The following RAB12 variants were observed in gnomAD, a reference collection of about 807,000 sequenced individuals.
RAB12 encodes ras-related protein Rab-12.
In RAB12, 11 loss-of-function variants were observed where a neutral mutation model predicts 28.4. The ratio of observed to expected loss-of-function variants is 0.39; its 90% confidence interval spans 0.24 to 0.64. RAB12 has a LOEUF of 0.64. Among genes scored for constraint, RAB12 ranks in the 30% least tolerant of loss-of-function variants. The pLI, the probability that RAB12 is intolerant of heterozygous loss-of-function variation, is 0.50. For missense variants in RAB12, 276 were observed against 351.1 expected (o/e 0.79, Z 1.71); for synonymous variants, 138 against 145.3 (o/e 0.95, Z 0.36).
chr18:8,617,584 A>G (rs1250161), intron 1 of RAB12, among the ~76,000 whole-genome samples: 29,963 of 152,044 alleles, frequency 0.2, 6,163 homozygotes, highest in African/African-American at 0.53. Context: ...TGGTGCAGGG[A>G]TGGAGTCTGT....
chr18:8,638,241 A>G lies in RAB12; in HGVS notation c.1002A>G (p.Arg334=). The change falls in exon 6 of 6, where the codon AGA becomes AGG. Residue 334 remains arginine (R), a synonymous_variant. Transcript: ENST00000649141. Reference sequence around the variant, plus strand: ...TACCGCCAGAACTGCCTCCACCAAGACCACATGTCCGATGCTGTTGATTTC... The same window carrying G: ...TACCGCCAGAACTGCCTCCACCAAGGCCACATGTCCGATGCTGTTGATTTC... The part of the protein sequence containing the change: ...PEIPPELPPP[R]PHVRCC 1.9e-6 allele frequency: 3 copies of G among 1,613,326 alleles called. No homozygotes were observed. Among genetic ancestry groups the G allele is most frequent in the Non-Finnish European group, 2.5e-6 (3 of 1,179,306 alleles).
chr18:8,639,144 GTTCTTTTT>G lies in RAB12; in HGVS notation c.*885_*892del, dbSNP rs2096020778. The G allele has an allele frequency of 1.2e-4, 2 of 16,576 alleles. No individual in the cohort carries two copies. The highest frequency in any genetic ancestry group is 1.8e-4 in the African/African-American group (1 of 5,460). 1.0% of individuals were successfully genotyped at this position (16,576 alleles called of 1,614,324 possible). On this transcript the variant is annotated 3_prime_UTR_variant, in exon 6 of 6. Coordinates refer to ENST00000649141, the MANE Select transcript of RAB12 (RefSeq NM_001025300.3). ...CTTATTCTGATTAAGCCTAGACTGT[GTTCTTTTT>G]TTTTTTTTTTTTTTTTTTTTTTTTT...
chr18:8,616,788 G>C (rs904141945), intron 1 of RAB12, among the ~76,000 whole-genome samples: 2 of 152,100 alleles, frequency 1.3e-5, no homozygotes, highest in Admixed American at 6.6e-5. Flanking sequence ...AATTAGCCTG[G>C]TGTGGTGGTG....
chr18:8,609,992 C>G, intron 1 of RAB12, 39 bp downstream of exon 1: 1 of 1,522,614 alleles, frequency 6.6e-7, no homozygotes, highest in Non-Finnish European at 9.0e-7. Context: ...GGCCTCCTGG[C>G]GCCCGGGCAG....
rs79296761 is a variant in RAB12, at chr18:8,619,238, T to C, written c.515-5700T>C. Among the ~76,000 whole-genome samples the C allele has an allele frequency of 3.9e-3, 588 of 152,308 alleles. 2 individuals are homozygous for C. The highest frequency in any genetic ancestry group is 0.014 in the African/African-American group (564 of 41,580). ...GGAACGAGGAGAAGTGACCTGGGCA[T>C]GGAAGAAGAGGGCACAGTCCGCTTG... is the stretch of plus-strand genomic sequence containing the variant. On this transcript the variant is annotated intron_variant, in intron 1 of 5. Transcript: ENST00000649141.
chr18:8,632,894 T>C, intron 2 of RAB12: 2 of 335,662 alleles, frequency 6.0e-6, no homozygotes, highest in Middle Eastern at 8.1e-4. Context: ...TGTTGCTGAT[T>C]TTCTGTCTTG....
Position 8,624,961 on chromosome 18 carries a change from G to A in RAB12, c.538G>A (p.Val180Ile). ...AGGTGTTGACTTCAAAATCAAAACT[G>A]TAGAGCTAAGAGGAAAGAAAATTAG... is the stretch of plus-strand genomic sequence containing the variant. ...TVGVDFKIKT[V>I]ELRGKKIRLQ... The change falls in exon 2 of 6, where the codon GTA becomes ATA. Residue 180 changes from valine to isoleucine, a missense_variant. Transcript: ENST00000649141. 6.2e-7 allele frequency: 1 copy of A among 1,604,448 alleles called. No individual in the cohort carries two copies.
chr18:8,631,608 G>A (rs1054895734), intron 2 of RAB12, among the ~76,000 whole-genome samples: 10 of 152,252 alleles, frequency 6.6e-5, no homozygotes, highest in African/African-American at 1.9e-4. Flanking sequence ...ACTGTTCCTC[G>A]GGCTCCCTCC....
At position 8,639,144 on chromosome 18, in the gene RAB12, GTTCTT is replaced by G. The variant is rs2096020769; in HGVS notation, c.*885_*889del. 13 of 16,584 alleles carry G rather than the reference GTTCTT, an allele frequency of 7.8e-4. No individual in the cohort carries two copies. Among genetic ancestry groups the G allele is most frequent in the East Asian group, 2.3e-3 (1 of 426 alleles). The allele number at this position is 16,584 out of a possible 1,614,324, so 1.0% of individuals were successfully genotyped here. A position where few individuals can be genotyped will look rare whatever the true frequency, so the allele number is the denominator to read the frequency against. On this transcript the variant is annotated 3_prime_UTR_variant, in exon 6 of 6. Coordinates refer to ENST00000649141, the MANE Select transcript of RAB12 (RefSeq NM_001025300.3). ...CTTATTCTGATTAAGCCTAGACTGT[GTTCTT>G]TTTTTTTTTTTTTTTTTTTTTTTTT...
In RAB12 at chr18:8,609,702, G is replaced by T. The variant is rs2096002573; in HGVS notation, c.263G>T (p.Arg88Leu). The T allele has an allele frequency of 6.0e-6, 6 of 1,004,694 alleles. No homozygotes were observed. The highest frequency in any genetic ancestry group is 9.0e-5 in the South Asian group (2 of 22,228). The allele number at this position is 1,004,694 out of a possible 1,614,324, so 62.2% of individuals were successfully genotyped here. Residue 88 changes from arginine to leucine, a missense_variant, in exon 1 of 6, where the codon CGG becomes CTG. This residue lies in a region of RAB12 where 72 missense variants were observed against 55.5 expected (regional missense o/e 1.30). Coordinates refer to ENST00000649141, the MANE Select transcript of RAB12 (RefSeq NM_001025300.3). ...RSRGAGGGGR[R>L]AEREPHACMD... ...CGGGGGGCGGGCGGCGGCGGGCGGC[G>T]GGCCGAGCGGGAGCCGCATGCGTGT...
chr18:8,610,121 G>C (rs1233295980), intron 1 of RAB12, 168 bp downstream of exon 1: 7 of 543,376 alleles, frequency 1.3e-5, no homozygotes, highest in Non-Finnish European at 2.3e-5. Context: ...CAATCCCAAA[G>C]CCTGGCAGAG....
At chr18:8,632,293 A>G (rs1439624343) in intron 2 of RAB12, among the ~76,000 whole-genome samples, 1 of 151,994 alleles carries the variant, frequency 6.6e-6, no homozygotes, top group Non-Finnish European at 1.5e-5. Context: ...AAAAAAAAAA[A>G]AAAAAAAAAG....
chr18:8,616,394 A>AC (rs1000963657), intron 1 of RAB12, among the ~76,000 whole-genome samples: 3 of 151,928 alleles, frequency 2.0e-5, no homozygotes, highest in African/African-American at 7.3e-5. Context: ...AAAAAAAAAA[A>AC]AAAAAACTTG....
intron 2 of RAB12, among the ~76,000 whole-genome samples, chr18:8,632,693 G>T (rs201991551): frequency 0.024 from 3,640 of 152,136 alleles, 70 homozygotes; most frequent in South Asian, 0.073. Context: ...GCGGGGAGTG[G>T]GTCATGCATG....
At chr18:8,621,190 T>G (rs1166046286) in intron 1 of RAB12, among the ~76,000 whole-genome samples, 1 of 152,234 alleles carries the variant, frequency 6.6e-6, no homozygotes, top group African/African-American at 2.4e-5. Context: ...CTGTTGACTT[T>G]TCCTAAATCA....
intron 1 of RAB12, among the ~76,000 whole-genome samples, chr18:8,623,696 G>A (rs2096011160): frequency 6.6e-6 from 1 of 152,242 alleles, no homozygotes; most frequent in African/African-American, 2.4e-5. Flanking sequence ...AGAACTGAAA[G>A]TGAAATTGAA....
At chr18:8,625,154 G>C (rs776150383) in intron 2 of RAB12, among the ~76,000 whole-genome samples, 156 bp downstream of exon 2, 7 of 152,218 alleles carry the variant, frequency 4.6e-5, no homozygotes, top group Non-Finnish European at 1.0e-4. Flanking sequence ...CATCAAGAGA[G>C]AGAATTTAGA....
intron 3 of RAB12, chr18:8,635,313 T>C (rs2096018238): frequency 2.6e-6 from 1 of 379,684 alleles, no homozygotes; most frequent in Non-Finnish European, 4.7e-6. Flanking sequence ...GCCAAGAGCA[T>C]TGTGGTTCTT....
intron 1 of RAB12, among the ~76,000 whole-genome samples, chr18:8,611,174 A>C (rs995774093): frequency 6.6e-6 from 1 of 152,210 alleles, no homozygotes; most frequent in African/African-American, 2.4e-5. Context: ...GAGACATTAT[A>C]TTAAAATGAG....
Sources: allele counts gnomAD v4.1 joint callset (sites outside exome capture counted in the v4.1 genomes callset), GRCh38; gene constraint gnomAD v4.1.1; regional missense constraint gnomAD v4.1.1; transcripts MANE v1.5; gene names NCBI Gene and HGNC (gene_info 2026-07-23, HGNC 2026-07-21).